RGSL1: variants seen among roughly 807,000 people sequenced by gnomAD.
RGSL1 encodes regulator of G protein signaling protein-like.
In RGSL1, 97 loss-of-function variants were observed where a neutral mutation model predicts 124.7. The ratio of observed to expected loss-of-function variants is 0.78; its 90% confidence interval spans 0.66 to 0.92. The LOEUF is 0.92. Among genes scored for constraint, RGSL1 ranks in the 40% least tolerant of loss-of-function variants. The pLI is 0.00. For missense variants in RGSL1, 1,233 were observed against 1,288.4 expected (o/e 0.96, Z 0.66); for synonymous variants, 424 against 438.1 (o/e 0.97, Z 0.40).
intron 15 of RGSL1, among the ~76,000 whole-genome samples, chr1:182,543,362 C>T (rs1182913225): frequency 6.6e-6 from 1 of 151,972 alleles, no homozygotes; most frequent in South Asian, 2.1e-4. Context: ...TATTGATTTG[C>T]GTATGTTGAA....
chr1:182,515,577 G>C (rs1408118995), intron 9 of RGSL1, among the ~76,000 whole-genome samples: 1 of 103,278 alleles, frequency 9.7e-6, no homozygotes, highest in Non-Finnish European at 2.3e-5. Context: ...TGGAGGGCGT[G>C]GGGGAAGAAC....
intron 19 of RGSL1, among the ~76,000 whole-genome samples, chr1:182,553,792 G>A (rs1435081491): frequency 6.6e-6 from 1 of 152,090 alleles, no homozygotes; most frequent in Non-Finnish European, 1.5e-5. Context: ...GTAACCCCGG[G>A]AAGGCAGGTA....
In RGSL1 at chr1:182,530,779, C is replaced by A; in HGVS notation, c.2244-11C>A. 1 of 1,525,764 alleles carries A rather than the reference C, an allele frequency of 6.6e-7. No individual in the cohort carries two copies. The highest frequency in any genetic ancestry group is 8.8e-7 in the Non-Finnish European group (1 of 1,138,154). 94.5% of individuals were successfully genotyped at this position (1,525,764 alleles called of 1,614,324 possible). ...TTGCCCTGTTTGATATTACTGATGT[C>A]CTTCTGACAGGTTTAAAGATTATCA... is the stretch of plus-strand genomic sequence containing the variant. On this transcript the variant is annotated splice_polypyrimidine_tract_variant and intron_variant, in intron 12 of 21. Coordinates refer to ENST00000294854, the MANE Select transcript of RGSL1 (RefSeq NM_001137669.2).
intron 9 of RGSL1, among the ~76,000 whole-genome samples, chr1:182,498,221 A>G (rs1477520829): frequency 6.6e-6 from 1 of 152,002 alleles, no homozygotes. Context: ...TTGGTGCTCA[A>G]ATATTCCCCA....
chr1:182,548,272 T>C lies in RGSL1; in HGVS notation c.2670-45T>C, dbSNP rs750738672. 7 of 1,550,088 alleles carry C rather than the reference T, an allele frequency of 4.5e-6. No homozygotes were observed. The South Asian group carries it at 8.3e-5, about 18-fold the overall frequency. ...GGCTGGGTGCCTTGTTAGTCACTGTTTTCATCTTCTCCTCCTGATTTCCTA... is the reference window on the plus strand; with the variant it reads ...GGCTGGGTGCCTTGTTAGTCACTGTCTTCATCTTCTCCTCCTGATTTCCTA... On this transcript the variant is annotated intron_variant, in intron 15 of 21. Coordinates refer to ENST00000294854, the MANE Select transcript of RGSL1 (RefSeq NM_001137669.2).
chr1:182,543,724 G>C (rs1252394964), intron 15 of RGSL1, among the ~76,000 whole-genome samples: 1 of 151,940 alleles, frequency 6.6e-6, no homozygotes, highest in Non-Finnish European at 1.5e-5. Flanking sequence ...CTCATTATCT[G>C]TTCATTTGAG....
intron 14 of RGSL1, among the ~76,000 whole-genome samples, chr1:182,538,824 C>A (rs1042721002): frequency 6.6e-6 from 1 of 151,978 alleles, no homozygotes; most frequent in Non-Finnish European, 1.5e-5. Flanking sequence ...GTCCTGACCC[C>A]GAGAACACTT....
intron 6 of RGSL1, among the ~76,000 whole-genome samples, chr1:182,480,129 A>G (rs1008511586): frequency 4.6e-5 from 7 of 152,220 alleles, no homozygotes; most frequent in African/African-American, 1.7e-4. Flanking sequence ...GACCAACCTC[A>G]TAAAGCAACT....
chr1:182,477,579 C>G (rs1207130538), intron 6 of RGSL1, among the ~76,000 whole-genome samples: 1 of 152,182 alleles, frequency 6.6e-6, no homozygotes, highest in Non-Finnish European at 1.5e-5. Flanking sequence ...CTTTTCCAGA[C>G]TGCTAGCAGC....
chr1:182,498,955 G>A (rs1047710583), intron 9 of RGSL1, among the ~76,000 whole-genome samples: 1 of 152,038 alleles, frequency 6.6e-6, no homozygotes, highest in African/African-American at 2.4e-5. Context: ...ACCACACTTG[G>A]CTAATTTTTG....
chr1:182,523,989 A>C (rs1658548532), intron 10 of RGSL1, among the ~76,000 whole-genome samples: 1 of 152,232 alleles, frequency 6.6e-6, no homozygotes, highest in Non-Finnish European at 1.5e-5. Context: ...GTAGGTAGGG[A>C]TAAACCCTAC....
At chr1:182,540,920 T>C (rs1305305018) in intron 15 of RGSL1, among the ~76,000 whole-genome samples, 1 of 152,140 alleles carries the variant, frequency 6.6e-6, no homozygotes, top group Non-Finnish European at 1.5e-5. Context: ...GTCTGTAAAT[T>C]TTTCTTGTAT....
intron 19 of RGSL1, among the ~76,000 whole-genome samples, chr1:182,553,868 T>C (rs988825838): frequency 5.3e-5 from 8 of 152,184 alleles, no homozygotes; most frequent in Non-Finnish European, 8.8e-5. Context: ...ATGATGTTTA[T>C]TAAGAGACTA....
At chr1:182,481,955 C>T (rs2102066392) in intron 6 of RGSL1, among the ~76,000 whole-genome samples, 1 of 152,202 alleles carries the variant, frequency 6.6e-6, no homozygotes, top group East Asian at 1.9e-4. Flanking sequence ...AGCCTGGTGA[C>T]AGGCAAGATA....
At chr1:182,499,808 A>C (rs564111414) in intron 9 of RGSL1, among the ~76,000 whole-genome samples, 8 of 152,294 alleles carry the variant, frequency 5.3e-5, no homozygotes, top group Admixed American at 5.2e-4. Flanking sequence ...AGTCAATAAC[A>C]GTCTTTCATT....
intron 10 of RGSL1, 138 bp downstream of exon 10, chr1:182,522,247 C>A (rs923035275): frequency 4.6e-6 from 3 of 654,790 alleles, no homozygotes; most frequent in Non-Finnish European, 2.7e-6. Context: ...CAGGTACAGA[C>A]ACTCTTAGTA....
chr1:182,470,061 G>A (rs1653702606), intron 4 of RGSL1, among the ~76,000 whole-genome samples: 1 of 152,034 alleles, frequency 6.6e-6, no homozygotes, highest in Non-Finnish European at 1.5e-5. Context: ...TTTGCAAGAT[G>A]AAAAGAATTT....
chr1:182,504,967 A>T (rs1381698107), intron 9 of RGSL1, among the ~76,000 whole-genome samples: 3 of 152,110 alleles, frequency 2.0e-5, no homozygotes, highest in Admixed American at 6.6e-5. Context: ...GCATACATCC[A>T]GTTCTAGGTA....
intron 16 of RGSL1, 101 bp from the exon 17 acceptor site, chr1:182,548,599 C>T (rs1660368160): frequency 6.6e-7 from 1 of 1,515,802 alleles, no homozygotes; most frequent in South Asian, 1.3e-5. Flanking sequence ...AAACCGTATG[C>T]CTTTTGGAGA....
Sources: gnomAD v4.1 joint callset for allele counts (sites outside exome capture counted in the v4.1 genomes callset) on GRCh38, gnomAD v4.1.1 for gene constraint, MANE v1.5 for transcripts, NCBI Gene and HGNC (gene_info 2026-07-23, HGNC 2026-07-21) for gene names.